AGBL4: variants seen among roughly 807,000 people sequenced by gnomAD.
AGBL4 encodes cytosolic carboxypeptidase 6.
AGBL4 carries 58 observed loss-of-function variants against 66.4 expected under a neutral mutation model. The ratio of observed to expected loss-of-function variants is 0.87; its 90% CI spans 0.71 to 1.09. The LOEUF is 1.09. Ranked by LOEUF, AGBL4 falls within the 50% of genes least tolerant of loss-of-function variation. The probability of loss-of-function intolerance (pLI) is 0.00; values close to 1 mark genes in which losing one functional copy is unlikely to be tolerated. For missense variants in AGBL4, 579 were observed against 631.0 expected (o/e 0.92, Z 0.88); for synonymous variants, 234 against 222.9 (o/e 1.05, Z -0.44).
chr1:48,904,298 A>G (rs1570965404), intron 5 of AGBL4, among the ~76,000 whole-genome samples: 1 of 152,170 alleles, frequency 6.6e-6, no homozygotes, highest in Non-Finnish European at 1.5e-5. Flanking sequence ...ATACAATAAA[A>G]TGATCTCAAT....
chr1:49,820,548 G>A (rs1645343625), intron 2 of AGBL4, among the ~76,000 whole-genome samples: 1 of 152,138 alleles, frequency 6.6e-6, no homozygotes, highest in African/African-American at 2.4e-5. Context: ...ATGAATGCAT[G>A]CAATAAGCCC....
intron 2 of AGBL4, among the ~76,000 whole-genome samples, chr1:49,849,417 A>G (rs940888768): frequency 7.7e-6 from 1 of 129,408 alleles, no homozygotes; most frequent in African/African-American, 2.5e-5. Flanking sequence ...TATTATTATT[A>G]TTATTATTAT....
intron 6 of AGBL4, among the ~76,000 whole-genome samples, chr1:48,680,897 A>G (rs1393159822): frequency 6.6e-6 from 1 of 152,174 alleles, no homozygotes; most frequent in African/African-American, 2.4e-5. Flanking sequence ...CTTGCAGGTA[A>G]TAGAGAATGG....
chr1:49,102,554 G>A (rs1645222041), intron 4 of AGBL4, among the ~76,000 whole-genome samples: 1 of 152,106 alleles, frequency 6.6e-6, no homozygotes, highest in Non-Finnish European at 1.5e-5. Flanking sequence ...ATTAACATAA[G>A]ATTTGATGTT....
chr1:48,949,354 T>G (rs1414538014), intron 5 of AGBL4, among the ~76,000 whole-genome samples: 1 of 152,230 alleles, frequency 6.6e-6, no homozygotes, highest in African/African-American at 2.4e-5. Flanking sequence ...ATCCAGTGAC[T>G]GCCCAGGCAA....
intron 5 of AGBL4, among the ~76,000 whole-genome samples, chr1:48,938,328 A>G (rs2148911732): frequency 6.6e-6 from 1 of 152,284 alleles, no homozygotes; most frequent in South Asian, 2.1e-4. Context: ...AACAAATATG[A>G]TCCCTGCCAT....
intron 3 of AGBL4, among the ~76,000 whole-genome samples, chr1:49,589,454 T>C (rs1033240093): frequency 6.6e-6 from 1 of 152,048 alleles, no homozygotes; most frequent in Non-Finnish European, 1.5e-5. Flanking sequence ...AACTGCATAA[T>C]TGATAAAACC....
intron 2 of AGBL4, among the ~76,000 whole-genome samples, chr1:49,759,336 G>C (rs1652131889): frequency 2.0e-5 from 3 of 152,100 alleles, no homozygotes; most frequent in African/African-American, 4.8e-5. Context: ...AAAGTCCAAA[G>C]TAAGAGACAT....
At chr1:48,754,186 G>A (rs1652173039) in intron 6 of AGBL4, among the ~76,000 whole-genome samples, 1 of 152,148 alleles carries the variant, frequency 6.6e-6, no homozygotes, top group South Asian at 2.1e-4. Flanking sequence ...TAAGAACAGG[G>A]AATCTAGCTG....
At chr1:49,353,788 G>A (rs962092933) in intron 3 of AGBL4, among the ~76,000 whole-genome samples, 14 of 152,228 alleles carry the variant, frequency 9.2e-5, no homozygotes, top group Non-Finnish European at 1.5e-4. Flanking sequence ...AAGAGAAGGA[G>A]CATCTAAACA....
chr1:49,808,393 T>G (rs946433314), intron 2 of AGBL4, among the ~76,000 whole-genome samples: 1 of 152,154 alleles, frequency 6.6e-6, no homozygotes, highest in Admixed American at 6.6e-5. Flanking sequence ...ACTACAAACT[T>G]TGATGCACAC....
intron 3 of AGBL4, among the ~76,000 whole-genome samples, chr1:49,282,087 T>A (rs893839956): frequency 2.0e-5 from 3 of 152,196 alleles, no homozygotes; most frequent in African/African-American, 7.2e-5. Context: ...ATAGTCAGAA[T>A]TGAATGAAAT....
At chr1:48,592,390 C>T (rs1452927554) in intron 9 of AGBL4, among the ~76,000 whole-genome samples, 1 of 152,172 alleles carries the variant, frequency 6.6e-6, no homozygotes, top group African/African-American at 2.4e-5. Flanking sequence ...AGAATGTGGG[C>T]TCAATGACTG....
At chr1:49,707,547 T>C (rs996555610) in intron 2 of AGBL4, among the ~76,000 whole-genome samples, 3 of 152,130 alleles carry the variant, frequency 2.0e-5, no homozygotes, top group African/African-American at 7.2e-5. Context: ...ATTTAGCCCA[T>C]TTACATTTGA....
chr1:49,480,838 T>C (rs903528847), intron 3 of AGBL4, among the ~76,000 whole-genome samples: 2 of 152,156 alleles, frequency 1.3e-5, no homozygotes, highest in Non-Finnish European at 2.9e-5. Flanking sequence ...GGATCCAGTT[T>C]CATTTTTCTG....
At chr1:48,948,001 A>G (rs1656664302) in intron 5 of AGBL4, among the ~76,000 whole-genome samples, 1 of 151,960 alleles carries the variant, frequency 6.6e-6, no homozygotes, top group South Asian at 2.1e-4. Context: ...ACAGGTTAAT[A>G]GGGTACTAGA....
intron 3 of AGBL4, among the ~76,000 whole-genome samples, chr1:49,303,728 G>A (rs899323776): frequency 7.9e-5 from 12 of 151,750 alleles, no homozygotes; most frequent in East Asian, 5.8e-4. Flanking sequence ...CACCCGCCTC[G>A]GCCTCCCAAA....
At chr1:49,042,750 A>G (rs1004520533) in intron 5 of AGBL4, among the ~76,000 whole-genome samples, 3 of 152,214 alleles carry the variant, frequency 2.0e-5, no homozygotes, top group African/African-American at 7.2e-5. Flanking sequence ...TACATTGAAA[A>G]GAAATAAACG....
intron 9 of AGBL4, among the ~76,000 whole-genome samples, chr1:48,618,180 G>A (rs1645350864): frequency 6.6e-6 from 1 of 152,164 alleles, no homozygotes; most frequent in South Asian, 2.1e-4. Context: ...ACCAGCCCAG[G>A]CAAGATAGTG....
Sources: allele counts gnomAD v4.1 joint callset (sites outside exome capture counted in the v4.1 genomes callset), GRCh38; gene constraint gnomAD v4.1.1; transcripts MANE v1.5; gene names NCBI Gene and HGNC (gene_info 2026-07-23, HGNC 2026-07-21).